BCAT1: variants seen among roughly 807,000 people sequenced by gnomAD.
BCAT1 encodes the protein branched-chain-amino-acid aminotransferase, cytosolic.
BCAT1 carries 48 observed loss-of-function variants against 52.4 expected under a neutral mutation model. The observed-to-expected ratio is 0.92, with a 90% confidence interval of 0.73 to 1.16. The LOEUF (loss-of-function observed/expected upper bound fraction) is 1.16, where lower values mean the gene tolerates loss of function less well. Ranked by LOEUF, BCAT1 falls within the 50% of genes most tolerant of loss-of-function variation. The probability of loss-of-function intolerance (pLI) is 0.00; values close to 1 mark genes in which losing one functional copy is unlikely to be tolerated. For missense variants in BCAT1, 451 were observed against 457.1 expected, an observed-to-expected ratio of 0.99 and a Z score of 0.12; for synonymous variants, 167 against 161.3, an observed-to-expected ratio of 1.04 and a Z score of -0.27.
intron 1 of BCAT1, among the ~76,000 whole-genome samples, chr12:24,906,084 G>A (rs1158710250): frequency 6.6e-6 from 1 of 151,770 alleles, no homozygotes; most frequent in Non-Finnish European, 1.5e-5. Flanking sequence ...AGCTACTCAC[G>A]GGATTAAGGT....
intron 9 of BCAT1, among the ~76,000 whole-genome samples, chr12:24,832,077 A>G (rs777472885): frequency 6.6e-6 from 1 of 152,214 alleles, no homozygotes; most frequent in Non-Finnish European, 1.5e-5. Context: ...GACCACTCGA[A>G]TGCATTTTCC....
intron 1 of BCAT1, among the ~76,000 whole-genome samples, chr12:24,917,265 G>A (rs933565423): frequency 9.5e-5 from 13 of 137,366 alleles, no homozygotes; most frequent in African/African-American, 3.6e-4. Context: ...TGCAAGCTCC[G>A]TCTTGCCGCT....
At chr12:24,906,203 G>T (rs1943222718) in intron 1 of BCAT1, among the ~76,000 whole-genome samples, 1 of 151,640 alleles carries the variant, frequency 6.6e-6, no homozygotes, top group Non-Finnish European at 1.5e-5. Context: ...AAAAGAAAAA[G>T]AAAAATAGAT....
intron 1 of BCAT1, among the ~76,000 whole-genome samples, chr12:24,928,724 TGTTG>T (rs1485904877): frequency 6.9e-6 from 1 of 145,476 alleles, no homozygotes; most frequent in Non-Finnish European, 1.6e-5. Flanking sequence ...TTGTTGTTGT[TGTTG>T]TTGTTGTTGT....
intron 5 of BCAT1, among the ~76,000 whole-genome samples, chr12:24,860,772 T>C (rs1941830424): frequency 6.6e-6 from 1 of 152,208 alleles, no homozygotes; most frequent in African/African-American, 2.4e-5. Flanking sequence ...GTAAAGAATG[T>C]CACTTTCTGA....
At chr12:24,933,038 C>T (rs775704442) in intron 1 of BCAT1, among the ~76,000 whole-genome samples, 4 of 149,754 alleles carry the variant, frequency 2.7e-5, no homozygotes, top group Non-Finnish European at 4.4e-5. Flanking sequence ...TCTCAAACTC[C>T]TGACCTTGTG....
chr12:24,835,493 C>G (rs1473117869), intron 8 of BCAT1, among the ~76,000 whole-genome samples: 1 of 152,126 alleles, frequency 6.6e-6, no homozygotes, highest in East Asian at 1.9e-4. Context: ...CCAATTCATT[C>G]AATAATTTGT....
In BCAT1 at chr12:24,810,206, C is replaced by T. The variant is rs1293647081; in HGVS notation, c.*7802G>A. On this transcript the variant is annotated 3_prime_UTR_variant, in exon 11 of 11. Transcript: ENST00000261192. ...TACAGACCATAGGAAGCATCTACAC[C>T]TCAGCTGTCGGCCGTTTGGTTACAG... The T allele has an allele frequency of 6.6e-6, 1 of 152,184 alleles. No homozygotes were observed. Among genetic ancestry groups the T allele is most frequent in the Non-Finnish European group, 1.5e-5 (1 of 68,036 alleles). The allele number at this position is 152,184 out of a possible 1,614,324, so 9.4% of individuals were successfully genotyped here. A position where few individuals can be genotyped will look rare whatever the true frequency, so the allele number is the denominator to read the frequency against.
rs1164214800 is a variant in BCAT1 at position 24,913,929 on chromosome 12, T to C, written c.7-12044A>G. ...AGAGTACTATTTTTAGGTTTTATGG[T>C]TGGCTTTGGGGAAAAGGGGTTTTGT... is the stretch of plus-strand genomic sequence containing the variant. On this transcript the variant is annotated intron_variant, in intron 1 of 10. Coordinates refer to ENST00000261192, the MANE Select transcript of BCAT1 (RefSeq NM_005504.7). 6.6e-5 allele frequency among the ~76,000 whole-genome samples: 10 copies of C among 152,036 alleles called. 1 individual carries two copies. The highest frequency in any genetic ancestry group is 2.0e-4 in the Admixed American group (3 of 15,258).
In BCAT1 at chr12:24,901,820, A is replaced by G. The variant is rs778023798; in HGVS notation, c.72T>C (p.Thr24=). The change falls in exon 2 of 11, where the codon ACT becomes ACC. Residue 24 remains threonine, a synonymous_variant. Coordinates refer to ENST00000261192, the MANE Select transcript of BCAT1 (RefSeq NM_005504.7). Reference sequence around the variant, plus strand: ...CCTCTGGCAAGCAACTTACCTTAAAAGTCCCCACCACCTCTTTTGATCCTC... The same window carrying G: ...CCTCTGGCAAGCAACTTACCTTAAAGGTCCCCACCACCTCTTTTGATCCTC... ...GEGGSKEVVG[T]FKAKDLIVTP... 6.2e-5 allele frequency: 100 copies of G among 1,613,818 alleles called. No individual in the cohort carries two copies. In the South Asian group the frequency reaches 1.0e-3, roughly 17 times the overall value.
At chr12:24,881,449 A>G in intron 3 of BCAT1, 38 bp from the exon 4 acceptor site, 1 of 1,369,696 alleles carries the variant, frequency 7.3e-7, no homozygotes, top group Non-Finnish European at 1.0e-6. Context: ...AGGGTAACCA[A>G]AAGAAAACAA....
At chr12:24,836,914 G>A (rs1349445527) in intron 7 of BCAT1, among the ~76,000 whole-genome samples, 1 of 27,578 alleles carries the variant, frequency 3.6e-5, no homozygotes, top group African/African-American at 9.8e-5. Flanking sequence ...AAGAGAGAAA[G>A]AAAGAAAGAA....
chr12:24,870,399 AG>A (rs1942149662), intron 5 of BCAT1, among the ~76,000 whole-genome samples: 1 of 152,240 alleles, frequency 6.6e-6, no homozygotes. Context: ...TAGAGATGAA[AG>A]TAGACATAGT....
intron 2 of BCAT1, among the ~76,000 whole-genome samples, chr12:24,898,767 C>G (rs543028698): frequency 5.3e-5 from 8 of 152,112 alleles, no homozygotes; most frequent in African/African-American, 1.9e-4. Flanking sequence ...CCACCCACCT[C>G]AGCCTCCCAA....
rs1565454758 is a variant in BCAT1 at position 24,836,954 on chromosome 12, GAAAAGAGAA to G, written c.818-367_818-359del. On this transcript the variant is annotated intron_variant, in intron 7 of 10. Coordinates refer to ENST00000261192, the MANE Select transcript of BCAT1 (RefSeq NM_005504.7). ...AGAAAGAAAGAAAGAAAGAAAGAAA[GAAAAGAGAA>G]AGAAAGAAAGAGAGAGAGGGAGGGA... is the stretch of plus-strand genomic sequence containing the variant. Among the ~76,000 whole-genome samples the G allele has an allele frequency of 2.1e-4, 18 of 86,274 alleles. 2 individuals carry two copies. Among genetic ancestry groups the G allele is most frequent in the African/African-American group, 6.2e-4 (17 of 27,378 alleles). The allele number at this position is 86,274 out of a possible 152,430, so 56.6% of individuals were successfully genotyped here.
intron 9 of BCAT1, chr12:24,830,845 G>A (rs1044606821): frequency 4.6e-5 from 7 of 152,124 alleles, no homozygotes; most frequent in African/African-American, 7.2e-5. Flanking sequence ...TCTATCTGTT[G>A]ATGCAATTAT....
intron 5 of BCAT1, among the ~76,000 whole-genome samples, chr12:24,864,962 CCT>C (rs1282584106): frequency 6.6e-6 from 1 of 152,166 alleles, no homozygotes; most frequent in Middle Eastern, 3.2e-3. Context: ...GTCCACTAAA[CCT>C]CTCTTGTTTT....
At chr12:24,890,920 C>T (rs565373359) in intron 3 of BCAT1, among the ~76,000 whole-genome samples, 5 of 152,210 alleles carry the variant, frequency 3.3e-5, no homozygotes, top group Non-Finnish European at 7.4e-5. Context: ...ACACCTTTCC[C>T]GTAATAACAG....
rs1285335571 is a variant in BCAT1, at chr12:24,811,159, GA to G, written c.*6848del. On this transcript the variant is annotated 3_prime_UTR_variant, in exon 11 of 11. Transcript: ENST00000261192. ...CCATTTTTTTCTTGTCCAAATGTTT[GA>G]AAAAGAAACATATTGAATCTCTATC... 1.3e-5 allele frequency: 2 copies of G among 152,080 alleles called. No homozygotes were observed. The highest frequency in any genetic ancestry group is 4.8e-5 in the African/African-American group (2 of 41,410). 9.4% of individuals were successfully genotyped at this position (152,080 alleles called of 1,614,324 possible). A position where few individuals can be genotyped will look rare whatever the true frequency, so the allele number is the denominator to read the frequency against.
Sources: gnomAD v4.1 joint callset for allele counts (sites outside exome capture counted in the v4.1 genomes callset) on GRCh38, gnomAD v4.1.1 for gene constraint, MANE v1.5 for transcripts, NCBI Gene and HGNC (gene_info 2026-07-23, HGNC 2026-07-21) for gene names.